The following CTBP1 variants were observed in gnomAD, a reference collection of about 807,000 sequenced individuals.
The protein encoded by CTBP1 is C-terminal binding protein 1.
Under a neutral mutation model 42.1 loss-of-function variants are expected in CTBP1, and 11 were observed. That is an observed-to-expected ratio of 0.26 (90% CI 0.16 to 0.43). CTBP1 has a LOEUF of 0.43. Ranked by LOEUF, CTBP1 falls within the 20% of genes least tolerant of loss-of-function variation. The pLI is 1.00. For synonymous variants in CTBP1, 324 were observed against 277.1 expected, an observed-to-expected ratio of 1.17 and a Z score of -1.68; for missense variants, 399 against 624.3, an observed-to-expected ratio of 0.64 and a Z score of 3.85.
chr4:1,216,230 AG>A, intron 5 of CTBP1, 25 bp from the exon 6 acceptor site: 1 of 1,597,664 alleles, frequency 6.3e-7, no homozygotes. Flanking sequence ...ACACAGTGTG[AG>A]ACCCTTGCTC....
chr4:1,239,496 T>A, intron 2 of CTBP1, among the ~76,000 whole-genome samples: 1 of 151,994 alleles, frequency 6.6e-6, no homozygotes, highest in Non-Finnish European at 1.5e-5. Context: ...CTCGGCCCAG[T>A]CTCCCGCCCC....
chr4:1,217,309 C>T (rs949858282), intron 5 of CTBP1: 25 of 152,480 alleles, frequency 1.6e-4, no homozygotes, highest in African/African-American at 5.5e-4. Context: ...GCCTGTTCTA[C>T]GAGAAGGAAC....
At chr4:1,234,008 G>T (rs1343572751) in intron 3 of CTBP1, among the ~76,000 whole-genome samples, 1 of 152,230 alleles carries the variant, frequency 6.6e-6, no homozygotes, top group African/African-American at 2.4e-5. Context: ...ACAGTCCAAG[G>T]TGGCTACCCC....
At chr4:1,243,967 A>C (rs897689268) in intron 1 of CTBP1, 55 of 985,102 alleles carry the variant, frequency 5.6e-5, no homozygotes, top group Admixed American at 1.8e-4. Flanking sequence ...TGTAGAGCAC[A>C]TGGAAGCTTG....
At chr4:1,229,099 G>C (rs764658126) in intron 3 of CTBP1, among the ~76,000 whole-genome samples, 1 of 152,222 alleles carries the variant, frequency 6.6e-6, no homozygotes, top group Non-Finnish European at 1.5e-5. Context: ...CACTCAGCCA[G>C]TACATGGCAT....
rs1728539851 is a variant in CTBP1, at chr4:1,211,508, T to C, written c.*732A>G. ...ATACAAATGGTTACAGTCACAAACA[T>C]GATTTTAACCAAAATATTGCTAGCC... On this transcript the variant is annotated 3_prime_UTR_variant, in exon 10 of 10. Coordinates refer to ENST00000382952, the MANE Select transcript of CTBP1 (RefSeq NM_001012614.2). The C allele has an allele frequency of 6.6e-6, 1 of 152,492 alleles. No individual in the cohort carries two copies. Among genetic ancestry groups the C allele is most frequent in the African/African-American group, 2.4e-5 (1 of 41,444 alleles). The allele number at this position is 152,492 out of a possible 1,614,324, so 9.4% of individuals were successfully genotyped here. A position where few individuals can be genotyped will look rare whatever the true frequency, so the allele number is the denominator to read the frequency against.
At chr4:1,240,112 G>A (rs1472848328) in intron 2 of CTBP1, among the ~76,000 whole-genome samples, 13 of 152,370 alleles carry the variant, frequency 8.5e-5, no homozygotes, top group East Asian at 3.9e-4. Context: ...GCTCGGCTGC[G>A]TCAGAACCGC....
At chr4:1,246,447 CAT>C (rs879570339) in intron 1 of CTBP1, among the ~76,000 whole-genome samples, 12 of 152,234 alleles carry the variant, frequency 7.9e-5, no homozygotes, top group Admixed American at 5.2e-4. Flanking sequence ...GAGTGGGAAA[CAT>C]TAAGTCCTTC....
intron 1 of CTBP1, chr4:1,241,759 C>G: frequency 4.2e-6 from 5 of 1,193,270 alleles, no homozygotes; most frequent in Non-Finnish European, 5.3e-6. Flanking sequence ...CCCCTGTGGC[C>G]CCGAGGCCTA....
intron 1 of CTBP1, chr4:1,245,326 T>C: frequency 1.0e-6 from 1 of 985,446 alleles, no homozygotes; most frequent in Non-Finnish European, 1.2e-6. Flanking sequence ...TCCCTGTTTG[T>C]TCAGCGAGCA....
At chr4:1,229,634 C>T (rs75752733) in intron 3 of CTBP1, among the ~76,000 whole-genome samples, 2,266 of 152,280 alleles carry the variant, frequency 0.015, 61 homozygotes, top group African/African-American at 0.052. Context: ...GTTGCTGGAC[C>T]GCAGGGCGTC....
intron 5 of CTBP1, chr4:1,217,693 C>T (rs998314382): frequency 1.3e-5 from 2 of 152,244 alleles, no homozygotes; most frequent in African/African-American, 4.8e-5. Flanking sequence ...CGAGACCATT[C>T]TTCACTTCTG....
intron 1 of CTBP1, chr4:1,243,155 C>T (rs1324019159): frequency 1.0e-6 from 1 of 985,472 alleles, no homozygotes; most frequent in Non-Finnish European, 1.2e-6. Context: ...ATACTGCCCA[C>T]AGCAGCATGG....
At position 1,248,927 on chromosome 4, in the gene CTBP1, C is replaced by G; in HGVS notation, c.-200G>C. 2.0e-6 allele frequency: 2 copies of G among 1,011,084 alleles called. No homozygotes were observed. The highest frequency in any genetic ancestry group is 5.3e-5 in the Admixed American group (1 of 19,024). 62.6% of individuals were successfully genotyped at this position (1,011,084 alleles called of 1,614,324 possible). A position where few individuals can be genotyped will look rare whatever the true frequency, so the allele number is the denominator to read the frequency against. The stretch of plus-strand genomic sequence containing the variant: ...GCGCGCGGCCTTACCAAGCGGCAGG[C>G]CCTTGTTGAGCAAGTGCGAGCTGCC... On this transcript the variant is annotated 5_prime_UTR_variant, in exon 1 of 10. Coordinates refer to ENST00000382952, the MANE Select transcript of CTBP1 (RefSeq NM_001012614.2).
At chr4:1,227,794 G>A (rs957483960) in intron 4 of CTBP1, among the ~76,000 whole-genome samples, 1 of 152,246 alleles carries the variant, frequency 6.6e-6, no homozygotes, top group African/African-American at 2.4e-5. Context: ...TGTTCTGTGT[G>A]CTGAGTGCAC....
chr4:1,244,476 T>A, intron 1 of CTBP1: 1 of 984,732 alleles, frequency 1.0e-6, no homozygotes, highest in South Asian at 4.7e-5. Context: ...AGACCCAGGC[T>A]CGGCAGCTAC....
At chr4:1,221,635 G>A (rs1315321727) in intron 5 of CTBP1, 2 of 251,248 alleles carry the variant, frequency 8.0e-6, no homozygotes, top group Non-Finnish European at 1.6e-5. Flanking sequence ...GGCGGACACA[G>A]AAGGCTGCGT....
chr4:1,214,524 G>C, intron 6 of CTBP1, 51 bp from the exon 7 acceptor site: 4 of 1,512,896 alleles, frequency 2.6e-6, no homozygotes, highest in Non-Finnish European at 3.5e-6. Context: ...GCACAGGGCG[G>C]GCAGCCAGGG....
At chr4:1,234,509 G>A (rs1272181651) in intron 3 of CTBP1, among the ~76,000 whole-genome samples, 2 of 152,210 alleles carry the variant, frequency 1.3e-5, no homozygotes, top group Admixed American at 1.3e-4. Flanking sequence ...TGGGTGGGGA[G>A]CAGGAAGTCT....
Sources: allele counts gnomAD v4.1 joint callset (sites outside exome capture counted in the v4.1 genomes callset), GRCh38; gene constraint gnomAD v4.1.1; transcripts MANE v1.5; gene names NCBI Gene and HGNC (gene_info 2026-07-23, HGNC 2026-07-21).